Variants in PLCZ1 observed in about 807,000 individuals in gnomAD.
The protein encoded by PLCZ1 is 1-phosphatidylinositol 4,5-bisphosphate phosphodiesterase zeta-1.
Under a neutral mutation model 76.8 loss-of-function variants are expected in PLCZ1, and 64 were observed. That is an observed-to-expected ratio of 0.83 (90% CI 0.68 to 1.03). The LOEUF (loss-of-function observed/expected upper bound fraction) is 1.03. Ranked by LOEUF, PLCZ1 falls within the 50% of genes least tolerant of loss-of-function variation. PLCZ1 has a pLI of 0.00. For synonymous variants in PLCZ1, 248 were observed against 230.8 expected, an observed-to-expected ratio of 1.07 and a Z score of -0.68; for missense variants, 751 against 713.7, an observed-to-expected ratio of 1.05 and a Z score of -0.60.
chr12:18,698,315 C>T (rs1267307083), intron 10 of PLCZ1, among the ~76,000 whole-genome samples: 2 of 151,734 alleles, frequency 1.3e-5, no homozygotes, highest in African/African-American at 4.9e-5. Context: ...CCATCCCATT[C>T]CATTCTACTC....
the PLCZ1 span, among the ~76,000 whole-genome samples, chr12:18,654,691 A>G: frequency 6.6e-6 from 1 of 152,184 alleles, no homozygotes; most frequent in Admixed American, 6.6e-5. Context: ...ATTCCAGTTG[A>G]GTACTTGGTC....
At chr12:18,719,351 A>G (rs185049270) in intron 5 of PLCZ1, 80 bp downstream of exon 5, 1 of 748,994 alleles carries the variant, frequency 1.3e-6, no homozygotes, top group African/African-American at 1.8e-5. Flanking sequence ...TTTATTGTGC[A>G]CTCTTGCCTA....
intron 4 of PLCZ1, among the ~76,000 whole-genome samples, chr12:18,722,157 G>A (rs752539923): frequency 4.6e-4 from 70 of 151,880 alleles, no homozygotes; most frequent in South Asian, 1.5e-3. Flanking sequence ...CTCTCAGAGA[G>A]GGTTCTTCTG....
chr12:18,718,396 A>C (rs1958213060), intron 5 of PLCZ1, among the ~76,000 whole-genome samples: 1 of 152,106 alleles, frequency 6.6e-6, no homozygotes, highest in Non-Finnish European at 1.5e-5. Context: ...TATCTTAAGG[A>C]AAATCCTTCT....
At chr12:18,665,170 T>TA in the PLCZ1 span, among the ~76,000 whole-genome samples, 22 of 148,108 alleles carry the variant, frequency 1.5e-4, no homozygotes, top group African/African-American at 3.7e-4. Flanking sequence ...TAATAAAAAA[T>TA]AAAAAAAAAT....
At chr12:18,713,113 A>G (rs2137432357) in intron 5 of PLCZ1, 127 bp from the exon 6 acceptor site, 3 of 1,284,436 alleles carry the variant, frequency 2.3e-6, no homozygotes, top group Non-Finnish European at 3.2e-6. Flanking sequence ...AAAACTCTAT[A>G]AAAACTTGTC....
Position 18,694,917 on chromosome 12 carries a change from G to T in PLCZ1, c.1454C>A (p.Thr485Lys). The change falls in exon 12 of 15, where the codon ACA becomes AAA. Residue 485 changes from threonine (T) to lysine (K), a missense_variant. Transcript: ENST00000266505. ...AAAATTTATTAATCTTACCCTTATT[G>T]TAAGTGTAATTGGCATACCCTCTTT... is the stretch of plus-strand genomic sequence containing the variant. ...NIKEGMPITL[T>K]IRLISGIQLP... 6.3e-7 allele frequency: 1 copy of T among 1,588,442 alleles called. No individual in the cohort carries two copies. Among genetic ancestry groups the T allele is most frequent in the Non-Finnish European group, 8.6e-7 (1 of 1,159,004 alleles).
At chr12:18,674,288 C>T in the PLCZ1 span, among the ~76,000 whole-genome samples, 1 of 152,170 alleles carries the variant, frequency 6.6e-6, no homozygotes, top group African/African-American at 2.4e-5. Flanking sequence ...GGATTTCTCT[C>T]ATTTCCTGAA....
At position 18,683,438 on chromosome 12, in the gene PLCZ1, A is replaced by C. The variant is rs1315129487; in HGVS notation, c.1742-114T>G. 4 of 1,432,354 alleles carry C rather than the reference A, an allele frequency of 2.8e-6. No homozygotes were observed. In the Admixed American group the frequency reaches 7.6e-5, roughly 27 times the overall value. 88.7% of individuals were successfully genotyped at this position (1,432,354 alleles called of 1,614,324 possible). On this transcript the variant is annotated intron_variant, in intron 14 of 14. Transcript: ENST00000266505. The stretch of plus-strand genomic sequence containing the variant: ...TAAGCCTACATTAAAAACCATGACT[A>C]TAGAGTTATATTCCCATCTGGTATA...
At chr12:18,668,571 T>C in the PLCZ1 span, among the ~76,000 whole-genome samples, 1 of 152,114 alleles carries the variant, frequency 6.6e-6, no homozygotes, top group South Asian at 2.1e-4. Flanking sequence ...TCATGCATGC[T>C]GGACCATCAT....
downstream of PLCZ1, among the ~76,000 whole-genome samples, chr12:18,678,748 T>C (rs910535868): frequency 5.9e-5 from 9 of 152,072 alleles, no homozygotes; most frequent in African/African-American, 2.2e-4. Flanking sequence ...CACCTGTTCA[T>C]GAACATTTGG....
rs370540884 is a variant in PLCZ1 at position 18,705,125 on chromosome 12, G to A, written c.864+41C>T. The A allele has an allele frequency of 2.9e-5, 46 of 1,606,262 alleles. No homozygotes were observed. The African/African-American group carries it at 5.2e-4, about 18-fold the overall frequency. Reference sequence around the variant, plus strand: ...AATATAACAGTGACATGTTTTCATGGACTTTTTTCTTAACCTGAGTTTCTC... The same window carrying A: ...AATATAACAGTGACATGTTTTCATGAACTTTTTTCTTAACCTGAGTTTCTC... On this transcript the variant is annotated intron_variant, in intron 7 of 14. Transcript: ENST00000266505.
At chr12:18,679,522 C>T (rs1439176951), downstream of PLCZ1, among the ~76,000 whole-genome samples, 1 of 151,850 alleles carries the variant, frequency 6.6e-6, no homozygotes, top group Non-Finnish European at 1.5e-5. Context: ...AGATTAATAA[C>T]CCTGGTTCTG....
intron 9 of PLCZ1, 122 bp downstream of exon 9, chr12:18,701,379 G>T: frequency 1.3e-6 from 2 of 1,512,174 alleles, no homozygotes; most frequent in South Asian, 1.3e-5. Flanking sequence ...AATTGTAAAT[G>T]ATAGACTAGA....
chr12:18,650,566 C>T, the PLCZ1 span, among the ~76,000 whole-genome samples: 14 of 148,556 alleles, frequency 9.4e-5, no homozygotes, highest in Admixed American at 1.3e-4. Flanking sequence ...AAAGTCTATA[C>T]ATTTATTTAC....
intron 4 of PLCZ1, among the ~76,000 whole-genome samples, chr12:18,722,158 G>C (rs1958480379): frequency 6.6e-6 from 1 of 151,606 alleles, no homozygotes; most frequent in African/African-American, 2.4e-5. Flanking sequence ...TCTCAGAGAG[G>C]GTTCTTCTGA....
chr12:18,668,662 G>T, the PLCZ1 span, among the ~76,000 whole-genome samples: 4 of 152,258 alleles, frequency 2.6e-5, no homozygotes, highest in African/African-American at 9.6e-5. Context: ...AGAGCAAAGT[G>T]CTGCTCACTT....
At chr12:18,677,649 A>G in the PLCZ1 span, among the ~76,000 whole-genome samples, 5 of 152,116 alleles carry the variant, frequency 3.3e-5, no homozygotes, top group African/African-American at 1.2e-4. Context: ...GCAGAACGCC[A>G]CACCAATTTC....
Position 18,712,978 on chromosome 12 carries a change from A to G in PLCZ1, c.578T>C (p.Val193Ala). The change falls in exon 6 of 15, where the codon GTG becomes GCG. Residue 193 changes from valine to alanine, a missense_variant. By Grantham distance (64) the Val-to-Ala change is moderately conservative. Coordinates refer to ENST00000266505, the MANE Select transcript of PLCZ1 (RefSeq NM_033123.4). ...SDLWGYVSAL[V>A]KGCRCLEIDC... ...AATCTCCAAACAACGGCATCCTTTC[A>G]CAAGGGCACTAGCAAAATTTCAGCA... 6.2e-7 allele frequency: 1 copy of G among 1,613,948 alleles called. No individual in the cohort carries two copies. Among genetic ancestry groups the G allele is most frequent in the South Asian group, 1.1e-5 (1 of 91,078 alleles).
Sources: allele counts gnomAD v4.1 joint callset (sites outside exome capture counted in the v4.1 genomes callset), GRCh38; gene constraint gnomAD v4.1.1; transcripts MANE v1.5; gene names NCBI Gene and HGNC (gene_info 2026-07-23, HGNC 2026-07-21).